Variants in PLCB1 observed in about 807,000 individuals in gnomAD.
The protein encoded by PLCB1 is 1-phosphatidylinositol 4,5-bisphosphate phosphodiesterase beta-1.
In PLCB1, 46 loss-of-function variants were observed where a neutral mutation model predicts 161.8. That is an observed-to-expected ratio of 0.28 (90% confidence interval 0.22 to 0.36). The LOEUF (loss-of-function observed/expected upper bound fraction) is 0.36. Among genes scored for constraint, PLCB1 ranks in the 10% least tolerant of loss-of-function variants. The pLI, the probability that PLCB1 is intolerant of heterozygous loss-of-function variation, is 1.00. For missense variants in PLCB1, 1,016 were observed against 1,472.5 expected (o/e 0.69, Z 5.07); for synonymous variants, 517 against 503.7 (o/e 1.03, Z -0.35).
At chr20:8,577,304 G>C (rs964491140) in intron 3 of PLCB1, among the ~76,000 whole-genome samples, 1 of 151,396 alleles carries the variant, frequency 6.6e-6, no homozygotes, top group Non-Finnish European at 1.5e-5. Flanking sequence ...TGGGCGTGGT[G>C]GCGGGCACCT....
At chr20:8,685,136 C>G in intron 10 of PLCB1, 58 bp downstream of exon 10, 1 of 1,499,560 alleles carries the variant, frequency 6.7e-7, no homozygotes, top group African/African-American at 1.4e-5. Context: ...TCACCAACCT[C>G]TACTTTCTGT....
chr20:8,519,366 G>T lies in PLCB1; in HGVS notation c.247-108928G>T, dbSNP rs1297942576. 7.2e-5 allele frequency among the ~76,000 whole-genome samples: 11 copies of T among 152,244 alleles called. No homozygotes were observed. In the East Asian group the frequency reaches 7.7e-4, roughly 11 times the overall value. ...AAAGATAAGGAAAAACTTCTCCGAT[G>T]AAGGGACTTTAATCTGACATCAGAA... On this transcript the variant is annotated intron_variant, in intron 3 of 31. Transcript: ENST00000338037.
intron 2 of PLCB1, among the ~76,000 whole-genome samples, chr20:8,160,002 A>AAG (rs2051606315): frequency 6.6e-6 from 1 of 151,374 alleles, no homozygotes; most frequent in Middle Eastern, 3.2e-3. Context: ...AAAAAAAAAA[A>AAG]AAAAAAGAAA....
intron 2 of PLCB1, among the ~76,000 whole-genome samples, chr20:8,252,983 T>C (rs1163304905): frequency 6.6e-6 from 1 of 151,990 alleles, no homozygotes; most frequent in Non-Finnish European, 1.5e-5. Context: ...AAATTCTTAA[T>C]AATGCCCATT....
chr20:8,433,958 A>G (rs1980181815), intron 3 of PLCB1, among the ~76,000 whole-genome samples: 1 of 109,018 alleles, frequency 9.2e-6, no homozygotes, highest in Non-Finnish European at 2.1e-5. Flanking sequence ...TAGTCAACCC[A>G]TTATGTGTTT....
At position 8,883,836 on chromosome 20, in the gene PLCB1, A is replaced by G. The variant is rs1484845208; in HGVS notation, c.*1987A>G. 1 of 152,526 alleles carries G rather than the reference A, an allele frequency of 6.6e-6. No homozygotes were observed. Among genetic ancestry groups the G allele is most frequent in the Non-Finnish European group, 1.5e-5 (1 of 67,974 alleles). The allele number at this position is 152,526 out of a possible 1,614,324, so 9.4% of individuals were successfully genotyped here. On this transcript the variant is annotated 3_prime_UTR_variant, in exon 32 of 32. Coordinates refer to ENST00000338037, the MANE Select transcript of PLCB1 (RefSeq NM_015192.4). ...CCAATGAAAAAGAAATCTTTTGTAAATCATTCTACTTTTGCACTTTGAAAG... is the reference window on the plus strand; with the variant it reads ...CCAATGAAAAAGAAATCTTTTGTAAGTCATTCTACTTTTGCACTTTGAAAG...
intron 2 of PLCB1, among the ~76,000 whole-genome samples, chr20:8,330,256 G>A (rs769614721): frequency 2.2e-4 from 33 of 152,138 alleles, no homozygotes; most frequent in East Asian, 1.9e-4. Flanking sequence ...ACAATGTAGA[G>A]AGCAGATATT....
intron 3 of PLCB1, among the ~76,000 whole-genome samples, chr20:8,532,552 G>C (rs2122922062): frequency 6.6e-6 from 1 of 152,258 alleles, no homozygotes; most frequent in African/African-American, 2.4e-5. Context: ...AGCTAAATAT[G>C]GTAGATTTCT....
At chr20:8,683,573 G>A (rs115923749) in intron 9 of PLCB1, among the ~76,000 whole-genome samples, 2,837 of 152,168 alleles carry the variant, frequency 0.019, 72 homozygotes, top group African/African-American at 0.056. Flanking sequence ...GTCTCAATAC[G>A]TGTATCAAAA....
chr20:8,425,269 T>G (rs1319557610), intron 3 of PLCB1, among the ~76,000 whole-genome samples: 1 of 152,118 alleles, frequency 6.6e-6, no homozygotes, highest in Non-Finnish European at 1.5e-5. Flanking sequence ...CAGTCTGATT[T>G]ATTGCAGACA....
rs541338801 is a variant in PLCB1, at chr20:8,568,143, C to T, written c.247-60151C>T. The stretch of plus-strand genomic sequence containing the variant: ...GGTATTCATGCAATCTTTAAAACAC[C>T]GTCTAAACTTCAAGTGAACTTCAAA... On this transcript the variant is annotated intron_variant, in intron 3 of 31. Transcript: ENST00000338037. Among the ~76,000 whole-genome samples the T allele has an allele frequency of 8.5e-5, 13 of 152,166 alleles. No individual in the cohort carries two copies. The East Asian group carries it at 1.9e-3, about 23-fold the overall frequency.
chr20:8,840,488 A>G (rs1986459952), intron 31 of PLCB1, among the ~76,000 whole-genome samples: 1 of 152,178 alleles, frequency 6.6e-6, no homozygotes, highest in Non-Finnish European at 1.5e-5. Flanking sequence ...GAAAACAATG[A>G]GTTAGGTCTT....
At chr20:8,797,861 C>A (rs1023349934) in intron 31 of PLCB1, among the ~76,000 whole-genome samples, 1 of 152,114 alleles carries the variant, frequency 6.6e-6, no homozygotes, top group Non-Finnish European at 1.5e-5. Flanking sequence ...TCAGTTTGAC[C>A]CTGATCATTA....
intron 3 of PLCB1, among the ~76,000 whole-genome samples, chr20:8,499,327 C>A (rs1415319420): frequency 6.6e-6 from 1 of 152,174 alleles, no homozygotes; most frequent in African/African-American, 2.4e-5. Context: ...CGGAACAATG[C>A]CTTCTCATAT....
intron 3 of PLCB1, among the ~76,000 whole-genome samples, chr20:8,465,622 G>C (rs956922388): frequency 1.3e-5 from 2 of 152,118 alleles, no homozygotes; most frequent in Non-Finnish European, 2.9e-5. Flanking sequence ...CCTGGAGTCA[G>C]TGTTAATGTC....
At chr20:8,191,329 C>A (rs768263263) in intron 2 of PLCB1, among the ~76,000 whole-genome samples, 4 of 151,920 alleles carry the variant, frequency 2.6e-5, no homozygotes, top group Non-Finnish European at 4.4e-5. Flanking sequence ...AGACAATGAA[C>A]AACTATACAT....
intron 23 of PLCB1, among the ~76,000 whole-genome samples, chr20:8,753,776 C>G (rs1981600046): frequency 6.6e-6 from 1 of 152,158 alleles, no homozygotes; most frequent in African/African-American, 2.4e-5. Flanking sequence ...TTTCATTTTT[C>G]CATTTTTCTC....
In PLCB1 at chr20:8,371,436, G is replaced by A. The variant is rs761393253; in HGVS notation, c.232G>A (p.Ala78Thr). The change falls in exon 3 of 32, where the codon GCC (alanine) becomes ACC (threonine). Residue 78 changes from alanine to threonine, a missense_variant. Physicochemically the swap from Ala to Thr is moderately conservative, Grantham distance 58 (BLOSUM62 0). Around this residue, in one of 10 missense-constraint regions of PLCB1, gnomAD observed 181 missense variants for 236.7 expected, o/e 0.76. Coordinates refer to ENST00000338037, the MANE Select transcript of PLCB1 (RefSeq NM_015192.4). The stretch of plus-strand genomic sequence containing the variant: ...CAAAGATGCCAGATGTGGGAGACAC[G>A]CCAAAGCTCCCAAGGTAGGAGGTTG... ...LVKDARCGRH[A>T]KAPKDPKLRE... The A allele has an allele frequency of 5.1e-5, 83 of 1,612,758 alleles. No individual in the cohort carries two copies. Among genetic ancestry groups the A allele is most frequent in the African/African-American group, 3.2e-4 (24 of 74,890 alleles).
chr20:8,580,115 G>A (rs533891098), intron 3 of PLCB1, among the ~76,000 whole-genome samples: 36 of 152,242 alleles, frequency 2.4e-4, no homozygotes, highest in African/African-American at 8.7e-4. Context: ...GTATATGACA[G>A]GTGTTGTCCT....
Sources: allele counts gnomAD v4.1 joint callset (sites outside exome capture counted in the v4.1 genomes callset), GRCh38; gene constraint gnomAD v4.1.1; regional missense constraint gnomAD v4.1.1; transcripts MANE v1.5; gene names NCBI Gene and HGNC (gene_info 2026-07-23, HGNC 2026-07-21).